RBFOX1: variants seen among roughly 807,000 people sequenced by gnomAD.
RBFOX1 encodes the protein RNA binding protein fox-1 homolog 1.
Under a neutral mutation model 57.7 loss-of-function variants are expected in RBFOX1, and 8 were observed. The ratio of observed to expected loss-of-function variants is 0.14; its 90% CI spans 0.08 to 0.25. The LOEUF is 0.25. Among genes scored for constraint, RBFOX1 ranks in the 10% least tolerant of loss-of-function variants. The pLI, the probability that RBFOX1 is intolerant of heterozygous loss-of-function variation, is 1.00. For missense variants in RBFOX1, 611 were observed against 548.5 expected, an observed-to-expected ratio of 1.11 and a Z score of -1.14; for synonymous variants, 326 against 222.4, an observed-to-expected ratio of 1.47 and a Z score of -4.15.
intron 1 of RBFOX1, among the ~76,000 whole-genome samples, chr16:5,286,197 G>C (rs1189574780): frequency 6.6e-6 from 1 of 152,214 alleles, no homozygotes; most frequent in East Asian, 1.9e-4. Context: ...ACCATGGGCA[G>C]TGTATGTGGG....
chr16:7,212,096 G>T (rs377585509), intron 4 of RBFOX1, among the ~76,000 whole-genome samples: 55 of 152,194 alleles, frequency 3.6e-4, no homozygotes, highest in Admixed American at 8.5e-4. Flanking sequence ...GATGATCAGC[G>T]GTCAAAAGAG....
At chr16:5,715,420 T>A (rs570465916) in intron 3 of RBFOX1, among the ~76,000 whole-genome samples, 2 of 152,212 alleles carry the variant, frequency 1.3e-5, no homozygotes, top group African/African-American at 4.8e-5. Context: ...ATGCACCACA[T>A]TGAAGGATAT....
intron 3 of RBFOX1, among the ~76,000 whole-genome samples, chr16:6,874,424 T>A (rs1006581398): frequency 3.5e-5 from 5 of 144,560 alleles, no homozygotes; most frequent in Non-Finnish European, 5.9e-5. Context: ...GCAGGAGAAC[T>A]GCTTGAATCC....
intron 4 of RBFOX1, among the ~76,000 whole-genome samples, chr16:7,403,654 C>T (rs61583141): frequency 0.06 from 8,791 of 145,592 alleles, 338 homozygotes; most frequent in East Asian, 0.21. Flanking sequence ...TCAAGTGATT[C>T]TCCTGCCTCA....
At chr16:5,730,379 C>G (rs558076165) in intron 3 of RBFOX1, among the ~76,000 whole-genome samples, 1 of 152,054 alleles carries the variant, frequency 6.6e-6, no homozygotes, top group South Asian at 2.1e-4. Context: ...GTGGAGCCGG[C>G]AAGCACCGTC....
At chr16:6,570,349 C>T (rs947056969) in intron 2 of RBFOX1, among the ~76,000 whole-genome samples, 1 of 152,052 alleles carries the variant, frequency 6.6e-6, no homozygotes, top group Non-Finnish European at 1.5e-5. Flanking sequence ...GTGTTCCAGG[C>T]CCCTCCTGGA....
intron 4 of RBFOX1, among the ~76,000 whole-genome samples, chr16:7,149,266 A>T (rs557718769): frequency 1.1e-3 from 163 of 152,146 alleles, no homozygotes; most frequent in Non-Finnish European, 2.1e-3. Context: ...GAGTTGCAAT[A>T]TGACTGTTTG....
At chr16:7,269,802 T>C (rs1324987136) in intron 4 of RBFOX1, among the ~76,000 whole-genome samples, 4 of 152,212 alleles carry the variant, frequency 2.6e-5, no homozygotes, top group African/African-American at 7.2e-5. Flanking sequence ...TCGGAAGATA[T>C]GAGCATCTTT....
chr16:5,972,183 A>G (rs1036250378), intron 4 of RBFOX1, among the ~76,000 whole-genome samples: 1 of 152,160 alleles, frequency 6.6e-6, no homozygotes, highest in African/African-American at 2.4e-5. Context: ...TCCTTATGAT[A>G]AGTAAATACA....
intron 2 of RBFOX1, among the ~76,000 whole-genome samples, chr16:6,645,731 G>A (rs1339829388): frequency 3.3e-5 from 5 of 152,150 alleles, no homozygotes; most frequent in Admixed American, 2.6e-4. Flanking sequence ...AAAGCCTGTT[G>A]GAAGATGTCA....
chr16:7,554,426 A>G (rs1311369910), intron 5 of RBFOX1, among the ~76,000 whole-genome samples: 1 of 152,192 alleles, frequency 6.6e-6, no homozygotes, highest in Non-Finnish European at 1.5e-5. Flanking sequence ...AACATACTCA[A>G]GGTTGCACTG....
At chr16:5,787,712 G>A (rs768853987) in intron 3 of RBFOX1, among the ~76,000 whole-genome samples, 4 of 152,216 alleles carry the variant, frequency 2.6e-5, no homozygotes, top group Non-Finnish European at 4.4e-5. Flanking sequence ...GAGCCCAGGA[G>A]AGGGTGACAC....
chr16:7,331,070 G>A (rs1204841787), intron 4 of RBFOX1, among the ~76,000 whole-genome samples: 1 of 152,128 alleles, frequency 6.6e-6, no homozygotes, highest in Non-Finnish European at 1.5e-5. Flanking sequence ...TGTCAAGATG[G>A]CCAAAATTCA....
intron 3 of RBFOX1, among the ~76,000 whole-genome samples, chr16:6,688,699 T>A (rs2059791489): frequency 6.6e-6 from 1 of 152,168 alleles, no homozygotes; most frequent in Non-Finnish European, 1.5e-5. Context: ...GCAGGTTTGT[T>A]ACATAGGTAT....
intron 2 of RBFOX1, among the ~76,000 whole-genome samples, chr16:5,502,160 G>A (rs2043219883): frequency 1.3e-5 from 2 of 152,156 alleles, no homozygotes; most frequent in Admixed American, 1.3e-4. Flanking sequence ...GAAATCAAGA[G>A]AGGCTTCCTA....
chr16:7,457,193 A>G (rs1175965477), intron 4 of RBFOX1, among the ~76,000 whole-genome samples: 1 of 151,928 alleles, frequency 6.6e-6, no homozygotes, highest in Non-Finnish European at 1.5e-5. Context: ...GGCCTTGGGT[A>G]TGCATTTTTA....
chr16:6,775,601 C>T (rs1229352749), intron 3 of RBFOX1: 1 of 152,166 alleles, frequency 6.6e-6, no homozygotes, highest in Non-Finnish European at 1.5e-5. Flanking sequence ...TGACAGTTAT[C>T]TCTCTAATCG....
At chr16:6,109,851 G>A (rs1028439624) in intron 1 of RBFOX1, among the ~76,000 whole-genome samples, 1 of 152,134 alleles carries the variant, frequency 6.6e-6, no homozygotes, top group Admixed American at 6.5e-5. Flanking sequence ...CATCAAATAG[G>A]ATATTATATA....
intron 2 of RBFOX1, among the ~76,000 whole-genome samples, chr16:5,496,627 C>G (rs1023682544): frequency 6.6e-6 from 1 of 152,144 alleles, no homozygotes; most frequent in Non-Finnish European, 1.5e-5. Context: ...TGGATCATAG[C>G]AAGCAAACGC....
Sources: gnomAD v4.1 joint callset for allele counts (sites outside exome capture counted in the v4.1 genomes callset) on GRCh38, gnomAD v4.1.1 for gene constraint, MANE v1.5 for transcripts, NCBI Gene and HGNC (gene_info 2026-07-23, HGNC 2026-07-21) for gene names.